Variants in PMM2 observed in about 807,000 individuals in gnomAD.
PMM2 encodes the protein mannose-6-phosphate isomerase.
PMM2 carries 35 observed loss-of-function variants against 33.2 expected under a neutral mutation model. The observed-to-expected ratio is 1.06, with a 90% CI of 0.81 to 1.40. The LOEUF is 1.40. Ranked by LOEUF, PMM2 falls within the 40% of genes most tolerant of loss-of-function variation. The probability of loss-of-function intolerance (pLI) is 0.00; values close to 1 mark genes in which losing one functional copy is unlikely to be tolerated. For synonymous variants in PMM2, 153 were observed against 114.7 expected, an observed-to-expected ratio of 1.33 and a Z score of -2.13; for missense variants, 386 against 306.0, an observed-to-expected ratio of 1.26 and a Z score of -1.95.
rs148759949 is a variant in PMM2 at position 8,847,771 on chromosome 16, C to T, written c.687C>T (p.Tyr229=). 4.3e-6 allele frequency: 7 copies of T among 1,614,108 alleles called. No homozygotes were observed. In the South Asian group the frequency reaches 7.7e-5, roughly 18 times the overall value. ...TCACAGACCCCAGAACCATGGGCTA[C>T]TCCGTGACAGCGCCTGAGGACACGC... ...EIFTDPRTMG[Y]SVTAPEDTRR... The change falls in exon 8 of 8, where the codon TAC becomes TAT. Residue 229 remains tyrosine (Y), a synonymous_variant. Transcript: ENST00000268261.
At chr16:8,805,863 T>TA (rs974723813) in intron 3 of PMM2, among the ~76,000 whole-genome samples, 28 of 152,210 alleles carry the variant, frequency 1.8e-4, no homozygotes, top group African/African-American at 6.8e-4. Flanking sequence ...ATGCTGGGAT[T>TA]ACAGGTGTGA....
chr16:8,843,589 G>C (rs531208213), intron 7 of PMM2, among the ~76,000 whole-genome samples: 1 of 152,096 alleles, frequency 6.6e-6, no homozygotes, highest in South Asian at 2.1e-4. Flanking sequence ...TGGCCGCTGC[G>C]GTTCAGGCAT....
In PMM2 at chr16:8,832,245, C is replaced by T. The variant is rs1258107584; in HGVS notation, c.640-15479C>T. 10 of 985,270 alleles carry T rather than the reference C, an allele frequency of 1.0e-5. No homozygotes were observed. The highest frequency in any genetic ancestry group is 6.1e-5 in the Admixed American group (1 of 16,264). 61.0% of individuals were successfully genotyped at this position (985,270 alleles called of 1,614,324 possible). A position where few individuals can be genotyped will look rare whatever the true frequency, so the allele number is the denominator to read the frequency against. On this transcript the variant is annotated intron_variant, in intron 7 of 7. Transcript: ENST00000268261. ...GCGGGAGAGAAAGGAAGGCCTGAGG[C>T]AGGTTGTGTTTGTGATGCAGATGCT...
At chr16:8,837,934 A>G (rs1209245546) in intron 7 of PMM2, among the ~76,000 whole-genome samples, 2 of 152,096 alleles carry the variant, frequency 1.3e-5, no homozygotes, top group African/African-American at 4.8e-5. Flanking sequence ...CTACCAGAAA[A>G]TGAAAGGAAT....
intron 7 of PMM2, among the ~76,000 whole-genome samples, chr16:8,826,502 C>T (rs1240051557): frequency 6.6e-6 from 1 of 152,150 alleles, no homozygotes; most frequent in East Asian, 1.9e-4. Flanking sequence ...GTCACAGAAG[C>T]CACTTATGAC....
intron 7 of PMM2, among the ~76,000 whole-genome samples, chr16:8,836,244 G>A (rs188752280): frequency 1.3e-5 from 2 of 152,112 alleles, no homozygotes; most frequent in East Asian, 3.9e-4. Context: ...GTCCGTGATG[G>A]TTTATGGGGC....
chr16:8,847,858 C>G lies in PMM2; in HGVS notation c.*33C>G. The G allele has an allele frequency of 6.5e-7, 1 of 1,534,070 alleles. No individual in the cohort carries two copies. Among genetic ancestry groups the G allele is most frequent in the Non-Finnish European group, 9.0e-7 (1 of 1,111,574 alleles). On this transcript the variant is annotated 3_prime_UTR_variant, in exon 8 of 8. Coordinates refer to ENST00000268261, the MANE Select transcript of PMM2 (RefSeq NM_000303.3). Reference sequence around the variant, plus strand: ...GCGGGAGGGGCGGGGTCCCGGCTGACAAGCCAGCATAGGGCATTCGGTGGC... The same window carrying G: ...GCGGGAGGGGCGGGGTCCCGGCTGAGAAGCCAGCATAGGGCATTCGGTGGC...
In PMM2 at chr16:8,842,655, T is replaced by C. The variant is rs533239701; in HGVS notation, c.640-5069T>C. ...TATGGGTTGGGCACCACAGGGTGGA[T>C]AGGCAAAACAATTTGGTTGATAAGG... On this transcript the variant is annotated intron_variant, in intron 7 of 7. Coordinates refer to ENST00000268261, the MANE Select transcript of PMM2 (RefSeq NM_000303.3). Among the ~76,000 whole-genome samples the C allele has an allele frequency of 1.1e-4, 16 of 152,310 alleles. No homozygotes were observed. In the East Asian group the frequency reaches 2.1e-3, roughly 20 times the overall value.
At chr16:8,844,750 T>C (rs918751402) in intron 7 of PMM2, among the ~76,000 whole-genome samples, 1 of 152,202 alleles carries the variant, frequency 6.6e-6, no homozygotes, top group African/African-American at 2.4e-5. Context: ...ACGTCTCCTT[T>C]GTCTCTACCA....
rs1016236002 is a variant in PMM2, at chr16:8,797,845, C to T, written c.-38C>T. Reference sequence around the variant, plus strand: ...GAAGTTCCGGGCCGAGTTCCTCGTGCCAACGTGTCTTGTAAGGTGCGGCTA... The same window carrying T: ...GAAGTTCCGGGCCGAGTTCCTCGTGTCAACGTGTCTTGTAAGGTGCGGCTA... On this transcript the variant is annotated 5_prime_UTR_variant, in exon 1 of 8. Transcript: ENST00000268261. The T allele has an allele frequency of 2.5e-6, 4 of 1,603,766 alleles. No homozygotes were observed. Among genetic ancestry groups the T allele is most frequent in the Non-Finnish European group, 3.4e-6 (4 of 1,175,202 alleles).
chr16:8,826,797 GT>G (rs946208340), intron 7 of PMM2, among the ~76,000 whole-genome samples: 12 of 151,780 alleles, frequency 7.9e-5, no homozygotes, highest in African/African-American at 2.2e-4. Flanking sequence ...TTTTTTAGGG[GT>G]TTTTTTTCCC....
At chr16:8,811,484 C>T (rs776851531) in intron 5 of PMM2, among the ~76,000 whole-genome samples, 154 bp from the exon 6 acceptor site, 11 of 152,222 alleles carry the variant, frequency 7.2e-5, no homozygotes, top group Middle Eastern at 3.4e-3. Flanking sequence ...CATGCCACTG[C>T]GCTCCAGCCT....
intron 6 of PMM2, among the ~76,000 whole-genome samples, chr16:8,812,255 G>A (rs758394281): frequency 5.3e-5 from 8 of 152,212 alleles, no homozygotes; most frequent in Non-Finnish European, 1.0e-4. Context: ...GTGTGTGAAC[G>A]TTTCTGGTGT....
At chr16:8,802,005 C>G (rs2060619461) in intron 2 of PMM2, 95 bp downstream of exon 2, 3 of 868,732 alleles carry the variant, frequency 3.5e-6, no homozygotes, top group Non-Finnish European at 3.8e-6. Flanking sequence ...AACCTTGTCC[C>G]CATATGGCGG....
chr16:8,799,857 A>T (rs2060603004), intron 1 of PMM2, among the ~76,000 whole-genome samples: 1 of 151,554 alleles, frequency 6.6e-6, no homozygotes, highest in African/African-American at 2.4e-5. Context: ...TTTAAAGGCC[A>T]CTCCTCCAAT....
At chr16:8,842,362 A>C (rs548689580) in intron 7 of PMM2, 2 of 152,382 alleles carry the variant, frequency 1.3e-5, no homozygotes, top group Admixed American at 6.5e-5. Flanking sequence ...GAAGAAGGTC[A>C]TCAATATATT....
intron 7 of PMM2, among the ~76,000 whole-genome samples, chr16:8,845,585 TTTG>T (rs1254962565): frequency 1.3e-5 from 2 of 151,558 alleles, no homozygotes; most frequent in Admixed American, 6.6e-5. Flanking sequence ...TGGTTTTTTG[TTTG>T]TTTTTTTTTC....
At chr16:8,818,778 C>G (rs1263411833) in intron 7 of PMM2, among the ~76,000 whole-genome samples, 2 of 152,182 alleles carry the variant, frequency 1.3e-5, no homozygotes. Flanking sequence ...GTCATTCTTC[C>G]CATCAGCCAC....
At chr16:8,832,670 C>T (rs2060817748) in intron 7 of PMM2, 1 of 985,448 alleles carries the variant, frequency 1.0e-6, no homozygotes. Context: ...GCGTCCTCAC[C>T]CCGCACCCGT....
Sources: allele counts gnomAD v4.1 joint callset (sites outside exome capture counted in the v4.1 genomes callset), GRCh38; gene constraint gnomAD v4.1.1; transcripts MANE v1.5; gene names NCBI Gene and HGNC (gene_info 2026-07-23, HGNC 2026-07-21).